PYROXD1: variants seen among roughly 807,000 people sequenced by gnomAD.
The protein encoded by PYROXD1 is tRNA ligase complex-associated NAD(P)H dehydrogenase PYROXD1.
A neutral mutation model predicts 62.0 loss-of-function variants in PYROXD1; 42 were observed. The observed-to-expected ratio is 0.68, with a 90% CI of 0.53 to 0.88. The LOEUF (loss-of-function observed/expected upper bound fraction) is 0.88, where lower values mean the gene tolerates loss of function less well. PYROXD1 is among the 40% of genes least tolerant of loss of function. PYROXD1 has a pLI of 0.00. For missense variants in PYROXD1, 493 were observed against 604.8 expected (o/e 0.82, Z 1.94); for synonymous variants, 170 against 206.4 (o/e 0.82, Z 1.51).
At chr12:21,464,412 T>A (rs1386832817) in intron 10 of PYROXD1, among the ~76,000 whole-genome samples, 1 of 151,858 alleles carries the variant, frequency 6.6e-6, no homozygotes. Context: ...CTTCATCAAA[T>A]CTATAATACC....
intron 7 of PYROXD1, among the ~76,000 whole-genome samples, chr12:21,459,918 C>T (rs1426208673): frequency 6.6e-6 from 1 of 152,158 alleles, no homozygotes; most frequent in African/African-American, 2.4e-5. Flanking sequence ...TCAAAGGTCA[C>T]TTCAGATGCA....
chr12:21,437,931 C>G lies in PYROXD1; in HGVS notation c.84+117C>G, dbSNP rs185011470. The G allele has an allele frequency of 8.3e-4, 725 of 874,892 alleles. 5 individuals are homozygous for G. The African/African-American group carries it at 0.011, about 14-fold the overall frequency. 54.2% of individuals were successfully genotyped at this position (874,892 alleles called of 1,614,324 possible). A position where few individuals can be genotyped will look rare whatever the true frequency, so the allele number is the denominator to read the frequency against. On this transcript the variant is annotated intron_variant, in intron 1 of 11. Transcript: ENST00000240651. ...TTCCGGGTTCCTTTTTTGCTGCGCCCTTTTCCGCACTTATTGCTCCCAGAT... is the reference window on the plus strand; with the variant it reads ...TTCCGGGTTCCTTTTTTGCTGCGCCGTTTTCCGCACTTATTGCTCCCAGAT...
intron 7 of PYROXD1, among the ~76,000 whole-genome samples, chr12:21,459,133 G>C (rs1360055142): frequency 6.6e-6 from 1 of 152,320 alleles, no homozygotes. Context: ...TAGCCCCTAG[G>C]TGGCTTCAGA....
intron 5 of PYROXD1, 34 bp from the exon 6 acceptor site, chr12:21,455,098 A>C (rs752023334): frequency 9.4e-6 from 12 of 1,278,152 alleles, no homozygotes. Flanking sequence ...TAGACTTTTG[A>C]AATCACTCTT....
intron 4 of PYROXD1, among the ~76,000 whole-genome samples, chr12:21,450,185 T>C (rs1463504779): frequency 6.6e-6 from 1 of 152,110 alleles, no homozygotes; most frequent in African/African-American, 2.4e-5. Flanking sequence ...GCCAATTTTA[T>C]ATTTTTAGTT....
chr12:21,456,516 T>A (rs1211027038), intron 7 of PYROXD1, among the ~76,000 whole-genome samples: 1 of 152,196 alleles, frequency 6.6e-6, no homozygotes, highest in East Asian at 1.9e-4. Context: ...AAAAATACAA[T>A]GCACATAACG....
At chr12:21,445,537 A>T in intron 3 of PYROXD1, 71 bp downstream of exon 3, 1 of 1,418,230 alleles carries the variant, frequency 7.1e-7, no homozygotes, top group Non-Finnish European at 9.3e-7. Context: ...GCCTCTTTTC[A>T]CTCCAGCTCT....
chr12:21,445,206 C>G (rs1212969710), intron 2 of PYROXD1, 141 bp from the exon 3 acceptor site: 8 of 824,084 alleles, frequency 9.7e-6, no homozygotes, highest in African/African-American at 1.8e-5. Flanking sequence ...GTCCTCTTTC[C>G]ACTCTATATA....
intron 3 of PYROXD1, chr12:21,448,134 G>C: frequency 1.5e-6 from 1 of 674,534 alleles, no homozygotes; most frequent in Admixed American, 1.9e-5. Context: ...TCTTTTTACA[G>C]TAAATTCATG....
At chr12:21,451,328 G>A (rs1222892407) in intron 4 of PYROXD1, among the ~76,000 whole-genome samples, 1 of 151,588 alleles carries the variant, frequency 6.6e-6, no homozygotes, top group African/African-American at 2.4e-5. Flanking sequence ...TGCCATGTTG[G>A]TGTGCTGCAC....
intron 3 of PYROXD1, among the ~76,000 whole-genome samples, chr12:21,445,960 G>C (rs1036303776): frequency 5.9e-5 from 9 of 152,222 alleles, no homozygotes; most frequent in Non-Finnish European, 1.2e-4. Flanking sequence ...GGTGGAAAGA[G>C]GCATTCCAGG....
At position 21,462,108 on chromosome 12, in the gene PYROXD1, C is replaced by G. The variant is rs751515816; in HGVS notation, c.981C>G (p.Leu327=). 3.7e-6 allele frequency: 6 copies of G among 1,604,288 alleles called. No homozygotes were observed. The African/African-American group carries it at 8.0e-5, about 21-fold the overall frequency. The part of the protein sequence containing the change: ...TGVTPNVEPF[L]HGNSFDLGED... ...TTACACCAAATGTAGAACCTTTTCT[C>G]CATGGTAACAGTGTAAGGTGAAATT... The change falls in exon 9 of 12, where the codon CTC becomes CTG. Residue 327 remains leucine (L), a synonymous_variant. Transcript: ENST00000240651.
At chr12:21,447,153 G>T (rs1296631495) in intron 3 of PYROXD1, among the ~76,000 whole-genome samples, 1 of 152,100 alleles carries the variant, frequency 6.6e-6, no homozygotes, top group Admixed American at 6.5e-5. Context: ...AAGTAGATTT[G>T]TAGTTGTTTC....
Position 21,462,862 on chromosome 12 carries a change from G to C in PYROXD1, c.1116G>C (p.Gln372His), listed in dbSNP as rs755208949. Residue 372 changes from glutamine to histidine, a missense_variant and splice_region_variant, in exon 10 of 12, where the codon CAG becomes CAC. Around this residue, in one of 2 missense-constraint regions of PYROXD1, gnomAD observed 329 missense variants for 446.6 expected, o/e 0.74. Transcript: ENST00000240651. ...TSWQLSPVWQ[Q>H]MRLWTQARQM... ...GGCAGCTGAGCCCAGTCTGGCAGCA[G>C]GTAAGCTAGCATATATAATTATATG... 4.2e-5 allele frequency: 68 copies of C among 1,612,770 alleles called. No homozygotes were observed. Among genetic ancestry groups the C allele is most frequent in the Non-Finnish European group, 5.3e-5 (62 of 1,179,730 alleles).
At chr12:21,443,351 GGT>G (rs879605495) in intron 2 of PYROXD1, among the ~76,000 whole-genome samples, 8 of 151,558 alleles carry the variant, frequency 5.3e-5, no homozygotes, top group Non-Finnish European at 1.0e-4. Flanking sequence ...TATGGGTAGG[GGT>G]GTGTGTGTGT....
At chr12:21,468,448 A>G in intron 11 of PYROXD1, 58 bp from the exon 12 acceptor site, 1 of 1,481,298 alleles carries the variant, frequency 6.8e-7, no homozygotes, top group East Asian at 2.3e-5. Flanking sequence ...CAAAATAACT[A>G]CCCATTACAT....
chr12:21,449,248 A>G (rs1052511788), intron 3 of PYROXD1, among the ~76,000 whole-genome samples: 1 of 152,176 alleles, frequency 6.6e-6, no homozygotes, highest in Non-Finnish European at 1.5e-5. Flanking sequence ...TACCTTTTCA[A>G]CCAACATGGG....
At chr12:21,448,108 A>T (rs1942426883) in intron 3 of PYROXD1, 6 of 662,878 alleles carry the variant, frequency 9.1e-6, no homozygotes, top group South Asian at 6.4e-5. Flanking sequence ...ATCATGTCTG[A>T]TGTTAATGCA....
At chr12:21,444,244 A>G (rs1036714374) in intron 2 of PYROXD1, among the ~76,000 whole-genome samples, 8 of 152,234 alleles carry the variant, frequency 5.3e-5, no homozygotes, top group Non-Finnish European at 7.3e-5. Context: ...GCCAATAACA[A>G]ATATACAAAT....
Sources: gnomAD v4.1 joint callset for allele counts (sites outside exome capture counted in the v4.1 genomes callset) on GRCh38, gnomAD v4.1.1 for gene constraint, gnomAD v4.1.1 regional missense constraint, MANE v1.5 for transcripts, NCBI Gene and HGNC (gene_info 2026-07-23, HGNC 2026-07-21) for gene names.